Variants in ADK observed in about 807,000 individuals in gnomAD.
ADK encodes N6,N6-dimethyladenosine kinase.
A neutral mutation model predicts 44.7 loss-of-function variants in ADK; 24 were observed. The observed-to-expected ratio is 0.54, with a 90% CI of 0.39 to 0.76. The LOEUF is 0.76. ADK is among the 30% of genes least tolerant of loss of function. The pLI is 0.00. For missense variants in ADK, 321 were observed against 425.1 expected (o/e 0.76, Z 2.15); for synonymous variants, 128 against 142.6 (o/e 0.90, Z 0.73).
At chr10:74,353,119 G>A (rs1247578840) in intron 4 of ADK, among the ~76,000 whole-genome samples, 1 of 152,196 alleles carries the variant, frequency 6.6e-6, no homozygotes, top group African/African-American at 2.4e-5. Context: ...GCACACATGT[G>A]TTTATTGTAG....
At chr10:74,242,936 C>T (rs554103167) in intron 3 of ADK, among the ~76,000 whole-genome samples, 5 of 152,304 alleles carry the variant, frequency 3.3e-5, no homozygotes, top group East Asian at 1.9e-4. Context: ...CCATTTCCAC[C>T]GCTCAGTAAA....
At chr10:74,298,240 T>A (rs983846618) in intron 3 of ADK, among the ~76,000 whole-genome samples, 6 of 152,170 alleles carry the variant, frequency 3.9e-5, no homozygotes, top group Non-Finnish European at 5.9e-5. Flanking sequence ...AGCAGAATTT[T>A]TCATGCACTC....
chr10:74,294,641 T>C (rs1043308306), intron 3 of ADK, among the ~76,000 whole-genome samples: 6 of 152,322 alleles, frequency 3.9e-5, no homozygotes, highest in Admixed American at 6.5e-5. Flanking sequence ...TCCACTGTTA[T>C]TTTCTATCTT....
chr10:74,465,812 G>A (rs577664316), intron 6 of ADK, among the ~76,000 whole-genome samples: 1 of 152,226 alleles, frequency 6.6e-6, no homozygotes, highest in Admixed American at 6.5e-5. Context: ...GAAAGTCTTG[G>A]TCTCATAGTT....
At chr10:74,360,828 T>C (rs1842310039) in intron 4 of ADK, among the ~76,000 whole-genome samples, 1 of 152,166 alleles carries the variant, frequency 6.6e-6, no homozygotes, top group Non-Finnish European at 1.5e-5. Flanking sequence ...CATCTATGTG[T>C]CTTTATAGGT....
chr10:74,542,070 A>G (rs1052427894), intron 7 of ADK, among the ~76,000 whole-genome samples: 24 of 151,806 alleles, frequency 1.6e-4, no homozygotes, highest in African/African-American at 5.6e-4. Context: ...GTATAACCCT[A>G]TCTGTACTAA....
intron 10 of ADK, among the ~76,000 whole-genome samples, chr10:74,674,456 A>T (rs932106733): frequency 5.9e-5 from 9 of 152,204 alleles, no homozygotes; most frequent in Non-Finnish European, 1.3e-4. Flanking sequence ...CAACATGGCG[A>T]AACTCTGTCT....
rs772508954 is a variant in ADK at position 74,708,421 on chromosome 10, T to C, written c.1065T>C (p.Phe355=). ...TAATTAGACGGACTGGCTGCACCTTTCCTGAGAAGCCAGACTTCCACTGAT... is the reference window on the plus strand; with the variant it reads ...TAATTAGACGGACTGGCTGCACCTTCCCTGAGAAGCCAGACTTCCACTGAT... ...SIIIRRTGCT[F]PEKPDFH The change falls in exon 11 of 11, where the codon TTT becomes TTC. Residue 355 remains phenylalanine, a synonymous_variant. Coordinates refer to ENST00000539909, the MANE Select transcript of ADK (RefSeq NM_006721.4). The C allele has an allele frequency of 4.3e-6, 7 of 1,612,204 alleles. No individual in the cohort carries two copies. The highest frequency in any genetic ancestry group is 1.1e-5 in the South Asian group (1 of 91,070).
intron 6 of ADK, among the ~76,000 whole-genome samples, chr10:74,404,050 T>A (rs1761639380): frequency 6.6e-6 from 1 of 152,078 alleles, no homozygotes; most frequent in Non-Finnish European, 1.5e-5. Context: ...TTTTTTGTAT[T>A]TTTAGTAGAG....
intron 4 of ADK, among the ~76,000 whole-genome samples, chr10:74,376,774 C>T (rs1359639677): frequency 3.7e-5 from 4 of 109,226 alleles, no homozygotes; most frequent in African/African-American, 6.0e-5. Flanking sequence ...TTCTCTCTCT[C>T]GTCTTTTTTT....
intron 1 of ADK, chr10:74,176,426 A>G (rs917847545): frequency 6.8e-6 from 7 of 1,028,540 alleles, no homozygotes; most frequent in Admixed American, 1.1e-4. Flanking sequence ...GTGCTGTTAC[A>G]GGGAGCTGAG....
intron 9 of ADK, among the ~76,000 whole-genome samples, chr10:74,601,642 A>G (rs1157382504): frequency 6.6e-6 from 1 of 152,086 alleles, no homozygotes; most frequent in Non-Finnish European, 1.5e-5. Context: ...TATTATCTCC[A>G]CTTGTGGATA....
intron 6 of ADK, chr10:74,506,572 A>G (rs953362411): frequency 4.6e-5 from 7 of 153,154 alleles, no homozygotes; most frequent in Non-Finnish European, 7.3e-5. Context: ...GTCATTTTCA[A>G]TGGATACAAC....
chr10:74,233,063 A>G (rs1201650572), intron 3 of ADK, among the ~76,000 whole-genome samples: 3 of 152,234 alleles, frequency 2.0e-5, no homozygotes, highest in Admixed American at 1.3e-4. Context: ...ATGAAGCACT[A>G]TATGGTGCCC....
At chr10:74,439,552 A>G (rs776830547) in intron 6 of ADK, among the ~76,000 whole-genome samples, 6 of 152,180 alleles carry the variant, frequency 3.9e-5, no homozygotes, top group Non-Finnish European at 8.8e-5. Flanking sequence ...TTGACACAAA[A>G]GAGTTTATCA....
chr10:74,527,892 G>C (rs1270071718), intron 7 of ADK: 3 of 834,866 alleles, frequency 3.6e-6, no homozygotes, highest in Non-Finnish European at 6.3e-6. Context: ...GAAAAGGCAA[G>C]AGAAGGATTG....
In ADK at chr10:74,406,505, AAATAATAAT is replaced by A. The variant is rs150030020; in HGVS notation, c.555+7941_555+7949del. ...CCATCTACCTTTGGGACTCCGATTA[AAATAATAAT>A]AATAATAATAATAAGAAGAAGAAGA... On this transcript the variant is annotated intron_variant, in intron 6 of 10. Coordinates refer to ENST00000539909, the MANE Select transcript of ADK (RefSeq NM_006721.4). Among the ~76,000 whole-genome samples the A allele has an allele frequency of 2.5e-3, 329 of 133,976 alleles. 2 individuals carry two copies. Among genetic ancestry groups the A allele is most frequent in the African/African-American group, 7.7e-3 (279 of 36,134 alleles). 87.9% of individuals were successfully genotyped at this position (133,976 alleles called of 152,430 possible).
At chr10:74,318,821 A>C (rs1328171830) in intron 4 of ADK, among the ~76,000 whole-genome samples, 29 of 152,242 alleles carry the variant, frequency 1.9e-4, no homozygotes, top group Admixed American at 1.9e-3. Context: ...TTATAGAACT[A>C]TAAACTAATT....
chr10:74,683,283 T>G (rs1855678780), intron 10 of ADK, among the ~76,000 whole-genome samples: 1 of 152,196 alleles, frequency 6.6e-6, no homozygotes, highest in Non-Finnish European at 1.5e-5. Flanking sequence ...GGCTTGCTCC[T>G]AACAGGCAGC....
Sources: allele counts gnomAD v4.1 joint callset (sites outside exome capture counted in the v4.1 genomes callset), GRCh38; gene constraint gnomAD v4.1.1; transcripts MANE v1.5; gene names NCBI Gene and HGNC (gene_info 2026-07-23, HGNC 2026-07-21).